Variants in SEC61G observed in about 807,000 individuals in gnomAD.
SEC61G encodes the protein SEC61 translocon subunit gamma, also known as protein transport protein Sec61 subunit gamma.
In SEC61G, 4 loss-of-function variants were observed where a neutral mutation model predicts 7.5. The ratio of observed to expected loss-of-function variants is 0.54; its 90% CI spans 0.26 to 1.22. SEC61G has a LOEUF of 1.22. SEC61G is among the 50% of genes most tolerant of loss of function. The pLI is 0.12. For missense variants in SEC61G, 53 were observed against 84.6 expected (o/e 0.63, Z 1.46); for synonymous variants, 24 against 24.4 (o/e 0.98, Z 0.05).
At chr7:54,752,466 T>TTAATAA in intron 3 of SEC61G, 46 bp from the exon 4 acceptor site, 1 of 1,219,190 alleles carries the variant, frequency 8.2e-7, no homozygotes, top group Non-Finnish European at 1.2e-6. Flanking sequence ...AGATAAGATT[T>TTAATAA]TAATAATTAT....
chr7:54,752,656 G>A (rs1393283325), intron 3 of SEC61G, among the ~76,000 whole-genome samples: 1 of 152,128 alleles, frequency 6.6e-6, no homozygotes, highest in Non-Finnish European at 1.5e-5. Flanking sequence ...TGCTCATTCA[G>A]GAAATGCCAT....
chr7:54,757,355 C>A, intron 2 of SEC61G, 140 bp downstream of exon 2: 1 of 626,632 alleles, frequency 1.6e-6, no homozygotes, highest in East Asian at 2.8e-5. Flanking sequence ...GAAGTGACAA[C>A]GTTAAAAAGC....
chr7:54,755,007 GA>G (rs1791479708), intron 3 of SEC61G: 1 of 152,160 alleles, frequency 6.6e-6, no homozygotes, highest in African/African-American at 2.4e-5. Context: ...AGTAAGTACT[GA>G]AACTCATACT....
chr7:54,756,048 T>C (rs1182906930), intron 2 of SEC61G, among the ~76,000 whole-genome samples, 167 bp from the exon 3 acceptor site: 1 of 152,318 alleles, frequency 6.6e-6, no homozygotes, highest in South Asian at 2.1e-4. Context: ...ACAAGTTGTT[T>C]GACAGGTTTT....
intron 1 of SEC61G, 121 bp downstream of exon 1, chr7:54,759,037 C>T (rs1048961774): frequency 2.6e-6 from 1 of 390,652 alleles, no homozygotes; most frequent in Non-Finnish European, 5.2e-6. Flanking sequence ...GGACCACTTA[C>T]CGCCCGCCCC....
At chr7:54,757,141 T>C (rs1262058936) in intron 2 of SEC61G, among the ~76,000 whole-genome samples, 2 of 151,958 alleles carry the variant, frequency 1.3e-5, no homozygotes, top group Non-Finnish European at 2.9e-5. Flanking sequence ...AAAACTATAT[T>C]GTTGGTTTCA....
chr7:54,756,043 T>G (rs1054980824), intron 2 of SEC61G, among the ~76,000 whole-genome samples, 162 bp from the exon 3 acceptor site: 2 of 151,776 alleles, frequency 1.3e-5, no homozygotes, highest in Non-Finnish European at 2.9e-5. Context: ...AGTAAACAAG[T>G]TGTTTGACAG....
At chr7:54,752,543 C>T (rs1251132638) in intron 3 of SEC61G, 123 bp from the exon 4 acceptor site, 2 of 537,562 alleles carry the variant, frequency 3.7e-6, no homozygotes, top group African/African-American at 2.0e-5. Flanking sequence ...TCCCACCTAA[C>T]TTCATCTAAA....
At chr7:54,754,357 C>A (rs1302190506) in intron 3 of SEC61G, among the ~76,000 whole-genome samples, 2 of 152,096 alleles carry the variant, frequency 1.3e-5, no homozygotes, top group African/African-American at 4.8e-5. Flanking sequence ...GCAGAGGCAC[C>A]GAGTATGAAA....
At chr7:54,757,705 G>A in intron 1 of SEC61G, 111 bp from the exon 2 acceptor site, 5 of 739,328 alleles carry the variant, frequency 6.8e-6, no homozygotes, top group Admixed American at 2.3e-5. Context: ...GTCTAACATG[G>A]GTCAATTCCA....
chr7:54,757,671 A>T (rs548476824), intron 1 of SEC61G, 77 bp from the exon 2 acceptor site: 10 of 1,165,462 alleles, frequency 8.6e-6, no homozygotes, highest in African/African-American at 1.5e-5. Context: ...TAAAGATGTA[A>T]ATGAGACCAG....
chr7:54,757,928 C>T (rs904452455), intron 1 of SEC61G, among the ~76,000 whole-genome samples: 5 of 152,218 alleles, frequency 3.3e-5, no homozygotes, highest in African/African-American at 1.2e-4. Context: ...CCTTTTCTCA[C>T]TCTGCAGTCC....
At chr7:54,757,192 G>A (rs1444942988) in intron 2 of SEC61G, among the ~76,000 whole-genome samples, 3 of 151,858 alleles carry the variant, frequency 2.0e-5, no homozygotes, top group African/African-American at 7.3e-5. Context: ...TGAGTAGGGA[G>A]ACTTCAAAGC....
At chr7:54,757,957 C>T (rs1791553301) in intron 1 of SEC61G, among the ~76,000 whole-genome samples, 1 of 152,214 alleles carries the variant, frequency 6.6e-6, no homozygotes. Context: ...TCTCATTCTA[C>T]AGTCCCCTCA....
intron 2 of SEC61G, among the ~76,000 whole-genome samples, chr7:54,756,641 A>T (rs941789856): frequency 2.0e-5 from 3 of 152,198 alleles, no homozygotes; most frequent in African/African-American, 7.2e-5. Context: ...CAACAGAGTG[A>T]GACTCTGTCT....
chr7:54,757,060 G>C (rs900624332), intron 2 of SEC61G, among the ~76,000 whole-genome samples: 17 of 149,884 alleles, frequency 1.1e-4, no homozygotes, highest in African/African-American at 3.7e-4. Flanking sequence ...CTAACTCAAT[G>C]AATGAATAAA....
intron 1 of SEC61G, among the ~76,000 whole-genome samples, chr7:54,758,556 T>C (rs1791567357): frequency 6.6e-6 from 1 of 152,156 alleles, no homozygotes; most frequent in South Asian, 2.1e-4. Flanking sequence ...GTAATGTCTG[T>C]TTTCTCAGTA....
At position 54,755,807 on chromosome 7, in the gene SEC61G, T is replaced by C; in HGVS notation, c.169A>G (p.Ile57Val). 1 of 1,581,606 alleles carries C rather than the reference T, an allele frequency of 6.3e-7. No individual in the cohort carries two copies. The highest frequency in any genetic ancestry group is 8.6e-7 in the Non-Finnish European group (1 of 1,159,290). ...MGFIGFFVKL[I>V]HIPINNIIVG... ...ATGATGTTATTAATAGGAATATGGA[T>C]CAATTTCACAAAGAAGCCAATGAAT... Residue 57 changes from isoleucine (I) to valine (V), a missense_variant, in exon 3 of 4, where the codon ATC (isoleucine) becomes GTC (valine). Transcript: ENST00000352861.
At chr7:54,755,609 T>C in intron 3 of SEC61G, 170 bp downstream of exon 3, 1 of 417,614 alleles carries the variant, frequency 2.4e-6, no homozygotes, top group Non-Finnish European at 4.2e-6. Context: ...TCTGGACAGA[T>C]CATGTAAGAT....
Sources: gnomAD v4.1 joint callset for allele counts (sites outside exome capture counted in the v4.1 genomes callset) on GRCh38, gnomAD v4.1.1 for gene constraint, MANE v1.5 for transcripts, NCBI Gene and HGNC (gene_info 2026-07-23, HGNC 2026-07-21) for gene names.